Variants in PTGFR observed in about 807,000 individuals in gnomAD.
PTGFR encodes prostaglandin F2-alpha receptor.
A neutral mutation model predicts 26.2 loss-of-function variants in PTGFR; 15 were observed. That is an observed-to-expected ratio of 0.57 (90% CI 0.38 to 0.88). PTGFR has a LOEUF of 0.88. Among genes scored for constraint, PTGFR ranks in the 40% least tolerant of loss-of-function variants. PTGFR has a pLI of 0.00. For synonymous variants in PTGFR, 165 were observed against 151.1 expected, an observed-to-expected ratio of 1.09 and a Z score of -0.68; for missense variants, 369 against 427.2, an observed-to-expected ratio of 0.86 and a Z score of 1.20.
In PTGFR at chr1:78,516,729, T is replaced by C. The variant is rs147089469; in HGVS notation, c.799-19677T>C. ...GTTAGTTGGCAATGAGTACTAAAAA[T>C]AACCTAGATTTGTACATAATTTTTT... is the stretch of plus-strand genomic sequence containing the variant. On this transcript the variant is annotated intron_variant, in intron 2 of 2. Transcript: ENST00000370757. Among the ~76,000 whole-genome samples, 986 of 152,224 alleles carry C rather than the reference T, an allele frequency of 6.5e-3. 10 individuals are homozygous for C. The highest frequency in any genetic ancestry group is 6.3e-3 in the Non-Finnish European group (431 of 67,980).
At chr1:78,533,879 A>G (rs79875222) in intron 2 of PTGFR, among the ~76,000 whole-genome samples, 1 of 152,298 alleles carries the variant, frequency 6.6e-6, no homozygotes, top group Non-Finnish European at 1.5e-5. Context: ...CGTGGCCCAA[A>G]TGAATGGAGA....
intron 2 of PTGFR, among the ~76,000 whole-genome samples, chr1:78,518,987 A>C (rs111643985): frequency 3.3e-4 from 51 of 152,304 alleles, no homozygotes; most frequent in African/African-American, 1.2e-3. Flanking sequence ...AGAAAGGATC[A>C]GTATTCATTC....
chr1:78,520,123 TG>T (rs1650187659), intron 2 of PTGFR, among the ~76,000 whole-genome samples: 1 of 152,052 alleles, frequency 6.6e-6, no homozygotes, highest in Non-Finnish European at 1.5e-5. Flanking sequence ...TATTACCTTT[TG>T]GGATTTTGGG....
chr1:78,507,263 C>T (rs1649848281), intron 2 of PTGFR, among the ~76,000 whole-genome samples: 1 of 152,146 alleles, frequency 6.6e-6, no homozygotes, highest in Non-Finnish European at 1.5e-5. Flanking sequence ...ATAGGAAACT[C>T]ATCCTTTTTC....
intron 2 of PTGFR, among the ~76,000 whole-genome samples, chr1:78,525,748 G>A (rs942526422): frequency 5.3e-5 from 8 of 151,978 alleles, no homozygotes; most frequent in Non-Finnish European, 2.9e-5. Context: ...CCCACAGTGA[G>A]TCACCACATT....
chr1:78,532,364 TTATATA>T (rs200848855), intron 2 of PTGFR: 6,649 of 85,394 alleles, frequency 0.078, 434 homozygotes, highest in South Asian at 0.14. Flanking sequence ...GTAAATTCAT[TTATATA>T]TATATATATA....
chr1:78,512,327 A>G (rs1209597999), intron 2 of PTGFR, among the ~76,000 whole-genome samples: 1 of 152,142 alleles, frequency 6.6e-6, no homozygotes, highest in Admixed American at 6.5e-5. Flanking sequence ...GGTAATTTTT[A>G]AAGAAAAGAG....
rs760611378 is a variant in PTGFR, at chr1:78,492,741, A to G, written c.-3A>G. 5 of 1,606,370 alleles carry G rather than the reference A, an allele frequency of 3.1e-6. No individual in the cohort carries two copies. In the African/African-American group the frequency reaches 4.0e-5, roughly 13 times the overall value. ...TGAGTGGTTGGCTTTTATCTCCACAACAATGTCCATGAACAATTCCAAACA... is the reference window on the plus strand; with the variant it reads ...TGAGTGGTTGGCTTTTATCTCCACAGCAATGTCCATGAACAATTCCAAACA... On this transcript the variant is annotated 5_prime_UTR_variant, in exon 2 of 3. Coordinates refer to ENST00000370757, the MANE Select transcript of PTGFR (RefSeq NM_000959.4).
At chr1:78,509,007 C>A (rs1451448144) in intron 2 of PTGFR, among the ~76,000 whole-genome samples, 1 of 152,136 alleles carries the variant, frequency 6.6e-6, no homozygotes, top group Non-Finnish European at 1.5e-5. Flanking sequence ...TATAGACCAT[C>A]ATATTCGAAC....
At chr1:78,505,424 A>C (rs1255090100) in intron 2 of PTGFR, among the ~76,000 whole-genome samples, 3 of 152,116 alleles carry the variant, frequency 2.0e-5, no homozygotes, top group African/African-American at 4.8e-5. Context: ...CGCCTGGCCT[A>C]TTCTAACTTT....
rs1553166887 is a variant in PTGFR at position 78,539,152 on chromosome 1, T to TTATTTTTTTTTTTCCC, written c.*2468_*2483dup. On this transcript the variant is annotated 3_prime_UTR_variant, in exon 3 of 3. Transcript: ENST00000370757. The stretch of plus-strand genomic sequence containing the variant: ...TTAACTAGGTGAAAGAAATGGGCCC[T>TTATTTTTTTTTTTCCC]TATTTTTTTTTTTCCCTAGAGGCAG... The TTATTTTTTTTTTTCCC allele has an allele frequency of 1.3e-5, 2 of 151,848 alleles. No individual in the cohort carries two copies. The highest frequency in any genetic ancestry group is 2.9e-5 in the Non-Finnish European group (2 of 67,918). 9.4% of individuals were successfully genotyped at this position (151,848 alleles called of 1,614,324 possible).
At chr1:78,523,632 GT>G (rs1272024926) in intron 2 of PTGFR, among the ~76,000 whole-genome samples, 2 of 152,032 alleles carry the variant, frequency 1.3e-5, no homozygotes, top group Non-Finnish European at 2.9e-5. Flanking sequence ...ATATGATAAA[GT>G]TTTTGGTAAG....
rs774549943 is a variant in PTGFR at position 78,536,636 on chromosome 1, G to T, written c.1029G>T (p.Lys343Asn). The part of the protein sequence containing the change: ...WELSSIKNSL[K>N]VAAISESPVA... ...TTAGTTCCATTAAAAATTCCTTAAAGGTTGCTGCTATTTCTGAGTCACCAG... is the reference window on the plus strand; with the variant it reads ...TTAGTTCCATTAAAAATTCCTTAAATGTTGCTGCTATTTCTGAGTCACCAG... Residue 343 changes from lysine (K) to asparagine (N), a missense_variant, in exon 3 of 3, where the codon AAG becomes AAT. Coordinates refer to ENST00000370757, the MANE Select transcript of PTGFR (RefSeq NM_000959.4). 1.2e-6 allele frequency: 2 copies of T among 1,612,840 alleles called. No individual in the cohort carries two copies. Among genetic ancestry groups the T allele is most frequent in the Non-Finnish European group, 1.7e-6 (2 of 1,179,476 alleles).
chr1:78,528,508 A>C (rs533337393), intron 2 of PTGFR, among the ~76,000 whole-genome samples: 1 of 152,166 alleles, frequency 6.6e-6, no homozygotes, highest in South Asian at 2.1e-4. Context: ...AGGGTTAAAT[A>C]GACATTTATT....
rs941093348 is a variant in PTGFR at position 78,536,573 on chromosome 1, C to T, written c.966C>T (p.Cys322=). ...ATCTCTATAAGCTTGCCAGTCAATGCTGTGGAGTGCATGTCATCAGCTTAC... is the reference window on the plus strand; with the variant it reads ...ATCTCTATAAGCTTGCCAGTCAATGTTGTGGAGTGCATGTCATCAGCTTAC... ...LKNLYKLASQ[C]CGVHVISLHI... Residue 322 remains cysteine (C), a synonymous_variant, in exon 3 of 3, where the codon TGC becomes TGT. Coordinates refer to ENST00000370757, the MANE Select transcript of PTGFR (RefSeq NM_000959.4). The T allele has an allele frequency of 6.2e-7, 1 of 1,613,330 alleles. No homozygotes were observed. Among genetic ancestry groups the T allele is most frequent in the Non-Finnish European group, 8.5e-7 (1 of 1,179,504 alleles).
intron 2 of PTGFR, among the ~76,000 whole-genome samples, chr1:78,530,411 GA>G (rs1181364938): frequency 1.3e-5 from 2 of 152,146 alleles, no homozygotes; most frequent in Non-Finnish European, 2.9e-5. Flanking sequence ...TGTAATTTTA[GA>G]AATATTGGAT....
At chr1:78,505,544 A>G (rs2100362990) in intron 2 of PTGFR, among the ~76,000 whole-genome samples, 1 of 152,314 alleles carries the variant, frequency 6.6e-6, no homozygotes, top group East Asian at 1.9e-4. Flanking sequence ...GGGAAAATTT[A>G]CATAATATAA....
In PTGFR at chr1:78,540,283, T is replaced by C. The variant is rs1650764461; in HGVS notation, c.*3596T>C. Among the ~76,000 whole-genome samples the C allele has an allele frequency of 6.6e-6, 1 of 152,120 alleles. No homozygotes were observed. Among genetic ancestry groups the C allele is most frequent in the South Asian group, 2.1e-4 (1 of 4,830 alleles). On this transcript the variant is annotated 3_prime_UTR_variant, in exon 3 of 3. Transcript: ENST00000370757. ...ACATAAATAATGTGGCTTTACTAAC[T>C]TCCCAGGGGGCAGCTAAGTGCAATA...
rs192950716 is a variant in PTGFR, at chr1:78,497,065, A to G, written c.798+3524A>G. The stretch of plus-strand genomic sequence containing the variant: ...AAACATAGAATGACATGTGTCCACC[A>G]TTACAGGATCATGCAGAATAAATGT... On this transcript the variant is annotated intron_variant, in intron 2 of 2. Transcript: ENST00000370757. 2.2e-3 allele frequency among the ~76,000 whole-genome samples: 342 copies of G among 152,278 alleles called. 1 individual carries two copies. Among genetic ancestry groups the G allele is most frequent in the African/African-American group, 7.3e-3 (305 of 41,556 alleles).
Sources: gnomAD v4.1 joint callset for allele counts (sites outside exome capture counted in the v4.1 genomes callset) on GRCh38, gnomAD v4.1.1 for gene constraint, MANE v1.5 for transcripts, NCBI Gene and HGNC (gene_info 2026-07-23, HGNC 2026-07-21) for gene names.